Variants in TMX2 observed in about 807,000 individuals in gnomAD.
TMX2 encodes thioredoxin related transmembrane protein 2, also known as thioredoxin-related transmembrane protein 2.
Under a neutral mutation model 33.4 loss-of-function variants are expected in TMX2, and 20 were observed. The ratio of observed to expected loss-of-function variants is 0.60; its 90% confidence interval spans 0.42 to 0.87. The LOEUF is 0.87. Ranked by LOEUF, TMX2 falls within the 40% of genes least tolerant of loss-of-function variation. The probability of loss-of-function intolerance (pLI) is 0.00; values close to 1 mark genes in which losing one functional copy is unlikely to be tolerated. For missense variants in TMX2, 340 were observed against 370.7 expected, an observed-to-expected ratio of 0.92 and a Z score of 0.68; for synonymous variants, 166 against 140.7, an observed-to-expected ratio of 1.18 and a Z score of -1.27.
rs904665563 is a variant in TMX2 at position 57,738,446 on chromosome 11, C to T, written c.441+16C>T. 2 of 1,589,828 alleles carry T rather than the reference C, an allele frequency of 1.3e-6. No homozygotes were observed. The highest frequency in any genetic ancestry group is 2.7e-5 in the African/African-American group (2 of 74,348). On this transcript the variant is annotated intron_variant, in intron 4 of 7. Transcript: ENST00000278422. Reference sequence around the variant, plus strand: ...AACCATTGATGTGAGTGCTCTTTCCCCTTTCTGTTTCTTGGGTCCCTTGTG... The same window carrying T: ...AACCATTGATGTGAGTGCTCTTTCCTCTTTCTGTTTCTTGGGTCCCTTGTG...
intron 7 of TMX2, 27 bp from the exon 8 acceptor site, chr11:57,740,072 C>T: frequency 6.2e-7 from 1 of 1,613,722 alleles, no homozygotes; most frequent in Non-Finnish European, 8.5e-7. Flanking sequence ...CAACCCAGAT[C>T]CTGACGTGTG....
chr11:57,737,511 G>A lies in TMX2; in HGVS notation c.190-97G>A, dbSNP rs1948821550. 1.0e-5 allele frequency: 10 copies of A among 956,602 alleles called. No individual in the cohort carries two copies. In the East Asian group the frequency reaches 2.5e-4, roughly 24 times the overall value. The allele number at this position is 956,602 out of a possible 1,614,324, so 59.3% of individuals were successfully genotyped here. On this transcript the variant is annotated intron_variant, in intron 1 of 7. Coordinates refer to ENST00000278422, the MANE Select transcript of TMX2 (RefSeq NM_015959.4). ...CTTTATTGTTCCCATTCCCAGTTTG[G>A]ATCGCTATTGGTTTTTATTACATAT...
rs569918685 is a variant in TMX2, at chr11:57,740,711, A to T, written c.*466A>T. On this transcript the variant is annotated 3_prime_UTR_variant, in exon 8 of 8. Coordinates refer to ENST00000278422, the MANE Select transcript of TMX2 (RefSeq NM_015959.4). ...TCCTTAAGCCCTTCTGGCTTCGTTTATGGTCTTCATTAAAAGTATAAGCCT... is the reference window on the plus strand; with the variant it reads ...TCCTTAAGCCCTTCTGGCTTCGTTTTTGGTCTTCATTAAAAGTATAAGCCT... The T allele has an allele frequency of 1.3e-4, 21 of 155,896 alleles. No individual in the cohort carries two copies. The South Asian group carries it at 4.0e-3, about 30-fold the overall frequency. The allele number at this position is 155,896 out of a possible 1,614,324, so 9.7% of individuals were successfully genotyped here. A position where few individuals can be genotyped will look rare whatever the true frequency, so the allele number is the denominator to read the frequency against.
chr11:57,723,575 G>A (rs1204374300), intron 1 of TMX2, among the ~76,000 whole-genome samples: 2 of 151,496 alleles, frequency 1.3e-5, no homozygotes, highest in East Asian at 3.9e-4. Context: ...GACTGAGGCA[G>A]GCGGATCACA....
chr11:57,718,765 C>G lies in TMX2; in HGVS notation c.189+5958C>G, dbSNP rs575440226. Among the ~76,000 whole-genome samples the G allele has an allele frequency of 3.8e-4, 57 of 149,176 alleles. 2 individuals carry two copies. The South Asian group carries it at 0.012, about 32-fold the overall frequency. On this transcript the variant is annotated intron_variant, in intron 1 of 7. Coordinates refer to ENST00000278422, the MANE Select transcript of TMX2 (RefSeq NM_015959.4). ...CCGTCTCCTGGGTTCAAGTAATTCT[C>G]CTGCCTCAGCCTCCCGAGAAGCTGG...
chr11:57,718,208 A>T, intron 1 of TMX2: 13 of 1,383,154 alleles, frequency 9.4e-6, no homozygotes, highest in Non-Finnish European at 1.3e-5. Context: ...AAAGCTGGGA[A>T]CCTTTTGTGT....
intron 1 of TMX2, among the ~76,000 whole-genome samples, chr11:57,719,589 C>A (rs1947446462): frequency 8.2e-6 from 1 of 121,224 alleles, no homozygotes; most frequent in Non-Finnish European, 1.6e-5. Context: ...GGTGAGATGT[C>A]ACCTTACTGC....
chr11:57,739,676 G>A (rs1261901542), intron 7 of TMX2, among the ~76,000 whole-genome samples: 1 of 152,004 alleles, frequency 6.6e-6, no homozygotes, highest in Non-Finnish European at 1.5e-5. Flanking sequence ...AGAATCGCTT[G>A]AACCCGGGAG....
At position 57,739,204 on chromosome 11, in the gene TMX2, A is replaced by G. The variant is rs771017312; in HGVS notation, c.688A>G (p.Met230Val). The G allele has an allele frequency of 6.2e-7, 1 of 1,614,092 alleles. No individual in the cohort carries two copies. The highest frequency in any genetic ancestry group is 8.5e-7 in the Non-Finnish European group (1 of 1,180,014). Reference protein sequence around the residue: ...LILFQGGKEAMRRPQIDKKGR... With the variant: ...LILFQGGKEAVRRPQIDKKGR... Reference sequence around the variant, plus strand: ...CCTGTTCCAAGGTGGCAAGGAGGCAATGCGGCGGCCACAGATTGACAAGAA... The same window carrying G: ...CCTGTTCCAAGGTGGCAAGGAGGCAGTGCGGCGGCCACAGATTGACAAGAA... The change falls in exon 7 of 8, where the codon ATG (methionine) becomes GTG (valine). Residue 230 changes from methionine (M) to valine (V), a missense_variant. By Grantham distance (21) the Met-to-Val change is conservative. Coordinates refer to ENST00000278422, the MANE Select transcript of TMX2 (RefSeq NM_015959.4).
In TMX2 at chr11:57,730,873, G is replaced by A. The variant is rs561098415; in HGVS notation, c.190-6735G>A. ...GAATGATCTATGTAAGTCATAATACGGTTAGTAAGAAGGAATTTTTAAAGG... is the reference window on the plus strand; with the variant it reads ...GAATGATCTATGTAAGTCATAATACAGTTAGTAAGAAGGAATTTTTAAAGG... On this transcript the variant is annotated intron_variant, in intron 1 of 7. Transcript: ENST00000278422. 7.9e-5 allele frequency among the ~76,000 whole-genome samples: 12 copies of A among 152,172 alleles called. No homozygotes were observed. In the South Asian group the frequency reaches 1.9e-3, roughly 24 times the overall value.
At chr11:57,714,403 A>G (rs544579921) in intron 1 of TMX2, among the ~76,000 whole-genome samples, 19 of 152,340 alleles carry the variant, frequency 1.2e-4, no homozygotes, top group African/African-American at 4.3e-4. Flanking sequence ...AATATCTGGT[A>G]TAGTCTATAA....
chr11:57,728,570 A>AT (rs1224146306), intron 1 of TMX2, among the ~76,000 whole-genome samples: 6 of 151,658 alleles, frequency 4.0e-5, no homozygotes, highest in Non-Finnish European at 8.8e-5. Flanking sequence ...ATGGTTCTTG[A>AT]TTTTTTCTGA....
chr11:57,718,983 G>A (rs1048509460), intron 1 of TMX2, among the ~76,000 whole-genome samples: 5 of 147,316 alleles, frequency 3.4e-5, no homozygotes, highest in African/African-American at 1.3e-4. Context: ...GAGCTTTCTG[G>A]TCAGAAGTTG....
At chr11:57,730,258 C>G (rs2135570203) in intron 1 of TMX2, among the ~76,000 whole-genome samples, 1 of 150,410 alleles carries the variant, frequency 6.6e-6, no homozygotes, top group Middle Eastern at 3.5e-3. Context: ...GAAACCCCTT[C>G]TCTACTAAAA....
chr11:57,735,472 A>G (rs1948689498), intron 1 of TMX2, among the ~76,000 whole-genome samples: 1 of 152,006 alleles, frequency 6.6e-6, no homozygotes, highest in African/African-American at 2.4e-5. Context: ...TAGCCTCCCA[A>G]AGTGCTGGGA....
In TMX2 at chr11:57,734,461, C is replaced by CT. The variant is rs372095884; in HGVS notation, c.190-3144dup. Among the ~76,000 whole-genome samples the CT allele has an allele frequency of 7.2e-4, 110 of 152,156 alleles. 1 individual carries two copies. Among genetic ancestry groups the CT allele is most frequent in the African/African-American group, 2.5e-3 (105 of 41,442 alleles). On this transcript the variant is annotated intron_variant, in intron 1 of 7. Coordinates refer to ENST00000278422, the MANE Select transcript of TMX2 (RefSeq NM_015959.4). ...ACTACAACTCTCTTTTAAAATTCAT[C>CT]TTTCAGCCAGGCACAGTGGCTCACG...
In TMX2 at chr11:57,712,667, C is replaced by CT. The variant is rs1565208464; in HGVS notation, c.52dup (p.Ser18PhefsTer40). 6.2e-7 allele frequency: 1 copy of CT among 1,614,094 alleles called. No individual in the cohort carries two copies. ...TGCTCTCGTGTATTCGGTGCCGCGA[C>CT]TTTCACGATGGCTCGCCCAACCTTA... On this transcript the variant is annotated frameshift_variant, in exon 1 of 8. Transcript: ENST00000278422. LOFTEE classifies it high-confidence loss of function.
At chr11:57,717,278 G>A (rs1230528491) in intron 1 of TMX2, among the ~76,000 whole-genome samples, 5 of 151,996 alleles carry the variant, frequency 3.3e-5, no homozygotes, top group African/African-American at 1.2e-4. Flanking sequence ...AGGCAGAGAC[G>A]CTCCTCACTT....
intron 1 of TMX2, among the ~76,000 whole-genome samples, chr11:57,717,563 C>T (rs967832932): frequency 3.3e-5 from 5 of 151,956 alleles, no homozygotes; most frequent in South Asian, 2.1e-4. Context: ...ACCAGTCAGG[C>T]GTGGTGGCGC....
Sources: allele counts gnomAD v4.1 joint callset (sites outside exome capture counted in the v4.1 genomes callset), GRCh38; gene constraint gnomAD v4.1.1; transcripts MANE v1.5; gene names NCBI Gene and HGNC (gene_info 2026-07-23, HGNC 2026-07-21).